DDI2: variants seen among roughly 807,000 people sequenced by gnomAD.
DDI2 encodes protein DDI1 homolog 2.
A neutral mutation model predicts 48.1 loss-of-function variants in DDI2; 5 were observed. The ratio of observed to expected loss-of-function variants is 0.10; its 90% CI spans 0.05 to 0.22. The LOEUF (loss-of-function observed/expected upper bound fraction) is 0.22, where lower values mean the gene tolerates loss of function less well. DDI2 is among the 10% of genes least tolerant of loss of function. DDI2 has a pLI of 1.00. For synonymous variants in DDI2, 205 were observed against 183.6 expected, an observed-to-expected ratio of 1.12 and a Z score of -0.94; for missense variants, 285 against 506.2, an observed-to-expected ratio of 0.56 and a Z score of 4.19.
intron 8 of DDI2, among the ~76,000 whole-genome samples, chr1:15,656,121 C>A (rs1401768493): frequency 6.6e-6 from 1 of 152,096 alleles, no homozygotes; most frequent in Non-Finnish European, 1.5e-5. Context: ...GACTGCAGGC[C>A]AGAGTCACTG....
At chr1:15,645,148 C>T (rs901791769) in intron 6 of DDI2, among the ~76,000 whole-genome samples, 1 of 152,240 alleles carries the variant, frequency 6.6e-6, no homozygotes, top group Non-Finnish European at 1.5e-5. Context: ...CCCACGAGGC[C>T]TCCCAGAGTG....
Position 15,643,518 on chromosome 1 carries a change from C to G in DDI2, c.761-4C>G. On this transcript the variant is annotated splice_polypyrimidine_tract_variant and splice_region_variant and intron_variant, in intron 5 of 9. Coordinates refer to ENST00000480945, the MANE Select transcript of DDI2 (RefSeq NM_032341.5). ...TATTGTCTGATGTTTCTCTACTCCT[C>G]CAGGTGCCCAGATGACTATCATGAG... is the stretch of plus-strand genomic sequence containing the variant. 1.3e-5 allele frequency: 21 copies of G among 1,610,834 alleles called. No individual in the cohort carries two copies. The highest frequency in any genetic ancestry group is 1.7e-5 in the Non-Finnish European group (20 of 1,178,868).
Position 15,621,862 on chromosome 1 carries a change from A to G in DDI2, c.138+4054A>G, listed in dbSNP as rs1557611032. 5.3e-5 allele frequency among the ~76,000 whole-genome samples: 8 copies of G among 152,224 alleles called. No individual in the cohort carries two copies. The South Asian group carries it at 1.7e-3, about 31-fold the overall frequency. Reference sequence around the variant, plus strand: ...CTCCATTTCTGTTTTCTCAGGATGAATTCTTAGATATGCAGTTGCCAGATC... The same window carrying G: ...CTCCATTTCTGTTTTCTCAGGATGAGTTCTTAGATATGCAGTTGCCAGATC... On this transcript the variant is annotated intron_variant, in intron 1 of 9. Coordinates refer to ENST00000480945, the MANE Select transcript of DDI2 (RefSeq NM_032341.5).
rs1411812822 is a variant in DDI2 at position 15,617,499 on chromosome 1, T to C, written c.-172T>C. 4.8e-6 allele frequency: 2 copies of C among 413,830 alleles called. No individual in the cohort carries two copies. Among genetic ancestry groups the C allele is most frequent in the African/African-American group, 2.1e-5 (1 of 47,894 alleles). 25.6% of individuals were successfully genotyped at this position (413,830 alleles called of 1,614,324 possible). On this transcript the variant is annotated 5_prime_UTR_variant, in exon 1 of 10. Coordinates refer to ENST00000480945, the MANE Select transcript of DDI2 (RefSeq NM_032341.5). ...GTGTGGCGGCGGCCGTGCTTGCTAG[T>C]GAGGGCGGGAGGGAGTGACTCACTG... is the stretch of plus-strand genomic sequence containing the variant.
In DDI2 at chr1:15,664,424, C is replaced by G. The variant is rs1424268657; in HGVS notation, c.*4634C>G. ...CCAGTGTGGGCGGCAGAGTGAGACTCTGTCTCACCCAAAAAAAAAAAAAAA... is the reference window on the plus strand; with the variant it reads ...CCAGTGTGGGCGGCAGAGTGAGACTGTGTCTCACCCAAAAAAAAAAAAAAA... On this transcript the variant is annotated 3_prime_UTR_variant, in exon 10 of 10. Coordinates refer to ENST00000480945, the MANE Select transcript of DDI2 (RefSeq NM_032341.5). 1.4e-5 allele frequency: 2 copies of G among 140,220 alleles called. No homozygotes were observed. Among genetic ancestry groups the G allele is most frequent in the African/African-American group, 5.6e-5 (2 of 35,648 alleles). 8.7% of individuals were successfully genotyped at this position (140,220 alleles called of 1,614,324 possible).
At chr1:15,652,022 C>T (rs1296751731) in intron 8 of DDI2, 127 bp downstream of exon 8, 1 of 397,246 alleles carries the variant, frequency 2.5e-6, no homozygotes, top group Non-Finnish European at 3.8e-6. Flanking sequence ...TAGATGTGTT[C>T]ATTATTTGTC....
At chr1:15,630,040 G>T (rs72647118) in intron 2 of DDI2, among the ~76,000 whole-genome samples, 48,842 of 151,938 alleles carry the variant, frequency 0.32, 8,749 homozygotes, top group African/African-American at 0.46. Context: ...CCACTTTAAT[G>T]ATTTAAAAAC....
At chr1:15,655,381 G>C (rs1257529102) in intron 8 of DDI2, among the ~76,000 whole-genome samples, 3 of 152,066 alleles carry the variant, frequency 2.0e-5, no homozygotes, top group African/African-American at 7.2e-5. Flanking sequence ...CACTTTGGGA[G>C]GCTGAGGTGG....
intron 1 of DDI2, among the ~76,000 whole-genome samples, chr1:15,623,557 C>T (rs746430733): frequency 5.9e-5 from 5 of 84,064 alleles, no homozygotes; most frequent in Non-Finnish European, 1.4e-4. Flanking sequence ...CCATGCCTGG[C>T]TTATTATTAT....
rs1228727127 is a variant in DDI2 at position 15,662,909 on chromosome 1, A to C, written c.*3119A>C. 2.6e-5 allele frequency: 4 copies of C among 152,138 alleles called. No individual in the cohort carries two copies. In the East Asian group the frequency reaches 7.7e-4, roughly 29 times the overall value. 9.4% of individuals were successfully genotyped at this position (152,138 alleles called of 1,614,324 possible). A position where few individuals can be genotyped will look rare whatever the true frequency, so the allele number is the denominator to read the frequency against. On this transcript the variant is annotated 3_prime_UTR_variant, in exon 10 of 10. Transcript: ENST00000480945. ...TTCTTTTTTAAGCAAAATTCATCTTATTTGTGTTTACCATGTCAAGTTAGA... is the reference window on the plus strand; with the variant it reads ...TTCTTTTTTAAGCAAAATTCATCTTCTTTGTGTTTACCATGTCAAGTTAGA...
intron 7 of DDI2, 106 bp downstream of exon 7, chr1:15,649,929 C>T (rs540687762): frequency 9.4e-6 from 10 of 1,066,634 alleles, no homozygotes; most frequent in Admixed American, 6.3e-5. Flanking sequence ...GAAATAACGA[C>T]TTTTCAAACC....
In DDI2 at chr1:15,659,906, C is replaced by G; in HGVS notation, c.*116C>G. ...CCAACTTCAGATGGGTTTAACCATC[C>G]CGCCCGTTCTTCAGGACAGAGTCCT... On this transcript the variant is annotated 3_prime_UTR_variant, in exon 10 of 10. Transcript: ENST00000480945. The G allele has an allele frequency of 6.2e-7, 1 of 1,603,202 alleles. No individual in the cohort carries two copies. Among genetic ancestry groups the G allele is most frequent in the Non-Finnish European group, 8.5e-7 (1 of 1,176,564 alleles).
At chr1:15,633,123 CT>C (rs1639873338) in intron 3 of DDI2, among the ~76,000 whole-genome samples, 1 of 151,738 alleles carries the variant, frequency 6.6e-6, no homozygotes, top group Non-Finnish European at 1.5e-5. Context: ...GAGACAAGGT[CT>C]TGCTATGTTG....
At chr1:15,627,696 G>C (rs915380281) in intron 2 of DDI2, among the ~76,000 whole-genome samples, 4 of 152,190 alleles carry the variant, frequency 2.6e-5, no homozygotes, top group African/African-American at 9.6e-5. Context: ...TTGGTGAAAT[G>C]TGTGGTTTTT....
intron 5 of DDI2, among the ~76,000 whole-genome samples, chr1:15,641,958 A>G (rs1007432656): frequency 0.06 from 4,308 of 71,848 alleles, 205 homozygotes; most frequent in African/African-American, 0.31. Context: ...TCAGTCTCAA[A>G]AAAAAAAAAA....
At chr1:15,624,632 T>G (rs1001610793) in intron 1 of DDI2, among the ~76,000 whole-genome samples, 2 of 152,066 alleles carry the variant, frequency 1.3e-5, no homozygotes, top group African/African-American at 4.8e-5. Context: ...CATGGCTGGC[T>G]ATTTAAAATT....
At chr1:15,625,076 T>TA (rs1331559142) in intron 1 of DDI2, among the ~76,000 whole-genome samples, 1 of 152,250 alleles carries the variant, frequency 6.6e-6, no homozygotes, top group Non-Finnish European at 1.5e-5. Context: ...TGAGAGCAGA[T>TA]ATGGCATAAT....
intron 7 of DDI2, among the ~76,000 whole-genome samples, chr1:15,650,629 C>T (rs765473639): frequency 6.6e-6 from 1 of 152,022 alleles, no homozygotes; most frequent in African/African-American, 2.4e-5. Context: ...ATTAGCTACT[C>T]GTGAGGCTGA....
intron 1 of DDI2, among the ~76,000 whole-genome samples, chr1:15,619,583 T>G (rs1639623344): frequency 6.6e-6 from 1 of 151,680 alleles, no homozygotes; most frequent in Admixed American, 6.6e-5. Flanking sequence ...TGCCTCAGCC[T>G]CCCGAGTAGC....
Sources: gnomAD v4.1 joint callset for allele counts (sites outside exome capture counted in the v4.1 genomes callset) on GRCh38, gnomAD v4.1.1 for gene constraint, MANE v1.5 for transcripts, NCBI Gene and HGNC (gene_info 2026-07-23, HGNC 2026-07-21) for gene names.